The following SMPD3 variants were observed in gnomAD, a reference collection of about 807,000 sequenced individuals.
SMPD3 encodes the protein nSMase-2.
SMPD3 carries 21 observed loss-of-function variants against 55.7 expected under a neutral mutation model. That is an observed-to-expected ratio of 0.38 (90% CI 0.27 to 0.54). The LOEUF (loss-of-function observed/expected upper bound fraction) is 0.54, where lower values mean the gene tolerates loss of function less well. Among genes scored for constraint, SMPD3 ranks in the 20% least tolerant of loss-of-function variants. The pLI is 0.80. For missense variants in SMPD3, 842 were observed against 899.6 expected, an observed-to-expected ratio of 0.94 and a Z score of 0.82; for synonymous variants, 457 against 404.3, an observed-to-expected ratio of 1.13 and a Z score of -1.56.
chr16:68,423,881 A>C (rs2090415406), intron 1 of SMPD3, among the ~76,000 whole-genome samples: 1 of 152,082 alleles, frequency 6.6e-6, no homozygotes, highest in Admixed American at 6.5e-5. Context: ...GGACCCCAGC[A>C]GTGGCTGAGG....
intron 1 of SMPD3, among the ~76,000 whole-genome samples, chr16:68,442,572 C>T (rs1230843493): frequency 6.6e-6 from 1 of 152,230 alleles, no homozygotes; most frequent in Non-Finnish European, 1.5e-5. Flanking sequence ...ATGATCACAA[C>T]AGCCTTAGCA....
intron 1 of SMPD3, among the ~76,000 whole-genome samples, chr16:68,415,738 C>A (rs1484020325): frequency 6.7e-6 from 1 of 150,212 alleles, no homozygotes; most frequent in Non-Finnish European, 1.5e-5. Flanking sequence ...GATGAAGAAT[C>A]TAATTTAAAA....
Position 68,372,161 on chromosome 16 carries a change from G to C in SMPD3, c.21C>G (p.Pro7=). The stretch of plus-strand genomic sequence containing the variant: ...GGGCGGACAGACAGCTGTTAGGAAA[G>C]GGGGTCGTGTACAAAACCATCGCAG... MVLYTT[P]FPNSCLSALH... The change falls in exon 3 of 9, where the codon CCC becomes CCG. Residue 7 remains proline, a synonymous_variant. Coordinates refer to ENST00000219334, the MANE Select transcript of SMPD3 (RefSeq NM_018667.4). 1 of 1,612,560 alleles carries C rather than the reference G, an allele frequency of 6.2e-7. No individual in the cohort carries two copies. Among genetic ancestry groups the C allele is most frequent in the Non-Finnish European group, 8.5e-7 (1 of 1,179,506 alleles).
At chr16:68,365,536 G>A (rs1182615400) in intron 3 of SMPD3, among the ~76,000 whole-genome samples, 3 of 152,078 alleles carry the variant, frequency 2.0e-5, no homozygotes, top group Non-Finnish European at 4.4e-5. Context: ...GGTTGCCCCT[G>A]TGCCATGGCG....
intron 1 of SMPD3, among the ~76,000 whole-genome samples, chr16:68,438,251 G>C (rs1249553104): frequency 6.6e-6 from 1 of 152,242 alleles, no homozygotes; most frequent in Non-Finnish European, 1.5e-5. Flanking sequence ...ATTACTGCCT[G>C]CGACTTGACA....
chr16:68,412,069 C>T (rs893569377), intron 1 of SMPD3, among the ~76,000 whole-genome samples: 21 of 152,092 alleles, frequency 1.4e-4, no homozygotes, highest in East Asian at 3.9e-4. Context: ...GTGCAGTGCA[C>T]GGGGCCAGGG....
chr16:68,414,244 G>A (rs1184879732), intron 1 of SMPD3, among the ~76,000 whole-genome samples: 3 of 152,258 alleles, frequency 2.0e-5, no homozygotes, highest in South Asian at 4.1e-4. Flanking sequence ...AGCTGAGCAA[G>A]AGAAGGGAGG....
chr16:68,433,878 T>A (rs570496164), intron 1 of SMPD3, among the ~76,000 whole-genome samples: 1 of 152,246 alleles, frequency 6.6e-6, no homozygotes, highest in African/African-American at 2.4e-5. Flanking sequence ...TCATTTTTTT[T>A]TTTTAGGTCA....
intron 1 of SMPD3, among the ~76,000 whole-genome samples, chr16:68,426,683 G>A (rs1640271234): frequency 6.6e-6 from 1 of 152,184 alleles, no homozygotes; most frequent in African/African-American, 2.4e-5. Context: ...AGGGATAGAT[G>A]TACATTCGTC....
At position 68,393,131 on chromosome 16, in the gene SMPD3, A is replaced by G. The variant is rs922344499; in HGVS notation, c.-268-6472T>C. 5.3e-5 allele frequency among the ~76,000 whole-genome samples: 8 copies of G among 152,158 alleles called. 1 individual carries two copies. Among genetic ancestry groups the G allele is most frequent in the African/African-American group, 1.9e-4 (8 of 41,438 alleles). Reference sequence around the variant, plus strand: ...ATGAAAATGGACCAGGAGGCTGGGCATGGTGGCTCATGCCTGTAATCCCAG... The same window carrying G: ...ATGAAAATGGACCAGGAGGCTGGGCGTGGTGGCTCATGCCTGTAATCCCAG... On this transcript the variant is annotated intron_variant, in intron 1 of 8. Coordinates refer to ENST00000219334, the MANE Select transcript of SMPD3 (RefSeq NM_018667.4).
chr16:68,363,957 G>T, intron 5 of SMPD3, 91 bp from the exon 6 acceptor site: 1 of 1,190,106 alleles, frequency 8.4e-7, no homozygotes, highest in Non-Finnish European at 1.2e-6. Flanking sequence ...TACTCCCCAT[G>T]TGCTGCCAGG....
intron 1 of SMPD3, among the ~76,000 whole-genome samples, chr16:68,446,860 C>T (rs1457470833): frequency 2.0e-5 from 3 of 152,232 alleles, no homozygotes; most frequent in African/African-American, 7.2e-5. Context: ...GGGCCCTGGT[C>T]ACCATCGCGT....
intron 2 of SMPD3, among the ~76,000 whole-genome samples, chr16:68,379,563 G>C (rs1318656078): frequency 6.6e-6 from 1 of 152,198 alleles, no homozygotes; most frequent in Non-Finnish European, 1.5e-5. Context: ...CTTACAAAGA[G>C]GGTTCTCTGC....
rs768728185 is a variant in SMPD3 at position 68,372,374 on chromosome 16, G to T, written c.-193C>A. The T allele has an allele frequency of 2.9e-6, 2 of 686,734 alleles. No individual in the cohort carries two copies. The highest frequency in any genetic ancestry group is 4.9e-6 in the Non-Finnish European group (2 of 408,500). 42.5% of individuals were successfully genotyped at this position (686,734 alleles called of 1,614,324 possible). ...GTTCACCTCGGTGGGCCATGCGGAG[G>T]CCTACTGCAGACCCTGCAGAGACAA... On this transcript the variant is annotated 5_prime_UTR_variant, in exon 3 of 9. Transcript: ENST00000219334.
intron 2 of SMPD3, among the ~76,000 whole-genome samples, chr16:68,380,163 G>A (rs1050103222): frequency 8.5e-5 from 13 of 152,250 alleles, no homozygotes; most frequent in Non-Finnish European, 1.3e-4. Context: ...CTAGACCCAC[G>A]TCTGAGCCAC....
intron 1 of SMPD3, among the ~76,000 whole-genome samples, chr16:68,399,241 G>T (rs1191843336): frequency 3.3e-5 from 5 of 152,162 alleles, no homozygotes; most frequent in African/African-American, 9.7e-5. Context: ...TGTGCAGTGA[G>T]GTCCCATTTT....
chr16:68,371,786 G>A lies in SMPD3; in HGVS notation c.396C>T (p.Cys132=), dbSNP rs766656301. 5.0e-6 allele frequency: 8 copies of A among 1,609,322 alleles called. No homozygotes were observed. Among genetic ancestry groups the A allele is most frequent in the Admixed American group, 1.7e-5 (1 of 59,300 alleles). Residue 132 remains cysteine, a synonymous_variant, in exon 3 of 9, where the codon TGC becomes TGT. Transcript: ENST00000219334. ...CCCTGGCGAGTGAGTCGGGCAGGAG[G>A]CAGACGTTGGCAGTGGCAAAGCAGA... is the stretch of plus-strand genomic sequence containing the variant. The part of the protein sequence containing the change: ...KSFCFATANV[C]LLPDSLARVN...
chr16:68,398,105 C>T (rs1430451834), intron 1 of SMPD3, among the ~76,000 whole-genome samples: 2 of 152,092 alleles, frequency 1.3e-5, no homozygotes, highest in African/African-American at 2.4e-5. Flanking sequence ...GGGCTGTGGC[C>T]ACCTGGGCCC....
chr16:68,361,981 C>T (rs750688069), intron 7 of SMPD3, among the ~76,000 whole-genome samples: 13 of 152,182 alleles, frequency 8.5e-5, no homozygotes, highest in Non-Finnish European at 1.3e-4. Context: ...CGGAGCCCGT[C>T]GAAGTGTTCT....
Sources: allele counts gnomAD v4.1 joint callset (sites outside exome capture counted in the v4.1 genomes callset), GRCh38; gene constraint gnomAD v4.1.1; transcripts MANE v1.5; gene names NCBI Gene and HGNC (gene_info 2026-07-23, HGNC 2026-07-21).